STXBP6: variants seen among roughly 807,000 people sequenced by gnomAD.
The protein encoded by STXBP6 is syntaxin binding protein 6.
STXBP6 carries 21 observed loss-of-function variants against 26.9 expected under a neutral mutation model. That is an observed-to-expected ratio of 0.78 (90% confidence interval 0.55 to 1.12). STXBP6 has a LOEUF of 1.12. STXBP6 is among the 50% of genes most tolerant of loss of function. STXBP6 has a pLI of 0.00. For synonymous variants in STXBP6, 97 were observed against 92.6 expected (o/e 1.05, Z -0.27); for missense variants, 232 against 257.9 (o/e 0.90, Z 0.69).
chr14:24,913,364 T>C (rs1236266218), intron 2 of STXBP6, among the ~76,000 whole-genome samples: 1 of 152,180 alleles, frequency 6.6e-6, no homozygotes, highest in Admixed American at 6.5e-5. Context: ...CACAAAGAAA[T>C]GATAAATGTT....
intron 2 of STXBP6, among the ~76,000 whole-genome samples, chr14:24,936,675 CCCA>C (rs1197109845): frequency 6.6e-6 from 1 of 152,184 alleles, no homozygotes; most frequent in Admixed American, 6.5e-5. Flanking sequence ...AATTTACACT[CCCA>C]CCAACAGTGT....
chr14:24,874,810 AAAG>A (rs2070073878), intron 2 of STXBP6, among the ~76,000 whole-genome samples: 1 of 152,136 alleles, frequency 6.6e-6, no homozygotes, highest in African/African-American at 2.4e-5. Context: ...TGGCTCTTTC[AAAG>A]AATTACACAT....
intron 4 of STXBP6, among the ~76,000 whole-genome samples, chr14:24,821,379 C>A (rs1203573100): frequency 3.9e-5 from 6 of 152,220 alleles, no homozygotes; most frequent in Non-Finnish European, 1.5e-5. Context: ...ATAAGCCTTG[C>A]TGCTTTGTTG....
intron 2 of STXBP6, among the ~76,000 whole-genome samples, chr14:24,897,640 T>C (rs1271650621): frequency 1.3e-5 from 2 of 152,014 alleles, no homozygotes; most frequent in African/African-American, 2.4e-5. Context: ...TCAGAAAAAA[T>C]TTTGAATTCC....
intron 1 of STXBP6, among the ~76,000 whole-genome samples, chr14:25,037,234 C>T (rs2075570964): frequency 6.6e-6 from 1 of 152,118 alleles, no homozygotes; most frequent in Non-Finnish European, 1.5e-5. Context: ...TGACAGAGGC[C>T]CGGAGAGCTC....
intron 2 of STXBP6, among the ~76,000 whole-genome samples, chr14:24,923,344 G>A (rs756025414): frequency 2.6e-5 from 4 of 151,990 alleles, no homozygotes; most frequent in Non-Finnish European, 4.4e-5. Context: ...CTGCTGTATG[G>A]TATTCCATTT....
At chr14:24,940,333 T>C (rs1595153514) in intron 2 of STXBP6, among the ~76,000 whole-genome samples, 1 of 152,212 alleles carries the variant, frequency 6.6e-6, no homozygotes, top group African/African-American at 2.4e-5. Flanking sequence ...GATTGCTATA[T>C]GAGAGAGGGC....
chr14:24,890,973 T>C (rs1241622), intron 2 of STXBP6, among the ~76,000 whole-genome samples: 55,566 of 152,062 alleles, frequency 0.37, 10,379 homozygotes, highest in East Asian at 0.43. Context: ...TTTGTGCCAG[T>C]GCACTGCTGC....
chr14:24,915,095 T>C (rs1020972776), intron 2 of STXBP6, among the ~76,000 whole-genome samples: 1 of 152,138 alleles, frequency 6.6e-6, no homozygotes, highest in Non-Finnish European at 1.5e-5. Flanking sequence ...CTAACAAAAA[T>C]ACACAATTGC....
At chr14:24,832,908 T>C (rs1417736126) in intron 4 of STXBP6, among the ~76,000 whole-genome samples, 1 of 152,200 alleles carries the variant, frequency 6.6e-6, no homozygotes, top group Non-Finnish European at 1.5e-5. Flanking sequence ...TGATGCTAAA[T>C]ACTTTTCATT....
chr14:24,897,605 C>G (rs929882262), intron 2 of STXBP6, among the ~76,000 whole-genome samples: 2 of 152,004 alleles, frequency 1.3e-5, no homozygotes, highest in African/African-American at 2.4e-5. Context: ...AAATTTAGTT[C>G]AAGTACTATA....
chr14:24,884,689 C>T (rs929707658), intron 2 of STXBP6, among the ~76,000 whole-genome samples: 13 of 152,154 alleles, frequency 8.5e-5, no homozygotes, highest in Non-Finnish European at 1.6e-4. Flanking sequence ...AATCGATCTT[C>T]AATGCTAACT....
chr14:24,882,458 A>G (rs914255361), intron 2 of STXBP6, among the ~76,000 whole-genome samples: 1 of 147,784 alleles, frequency 6.8e-6, no homozygotes, highest in African/African-American at 2.5e-5. Context: ...CAACTTCCTT[A>G]ACCTTGAGAT....
intron 2 of STXBP6, among the ~76,000 whole-genome samples, chr14:24,945,139 ATTTTTT>A (rs552562019): frequency 7.9e-5 from 8 of 100,650 alleles, no homozygotes; most frequent in South Asian, 7.2e-4. Context: ...CCAATTAGGA[ATTTTTT>A]TTTTTTTTTT....
chr14:24,913,338 T>C (rs2071643653), intron 2 of STXBP6, among the ~76,000 whole-genome samples: 1 of 152,166 alleles, frequency 6.6e-6, no homozygotes, highest in Non-Finnish European at 1.5e-5. Flanking sequence ...AGAAGGAGGA[T>C]ACTGAATGTT....
Position 24,856,089 on chromosome 14 carries a change from ACT to A in STXBP6, c.296_297del (p.Glu99ValfsTer2), listed in dbSNP as rs773245770. 6 of 1,597,680 alleles carry A rather than the reference ACT, an allele frequency of 3.8e-6. No homozygotes were observed. Among genetic ancestry groups the A allele is most frequent in the Non-Finnish European group, 5.1e-6 (6 of 1,174,078 alleles). On this transcript the variant is annotated frameshift_variant, in exon 4 of 6. Transcript: ENST00000323944. LOFTEE classifies it high-confidence loss of function. ...NGIDPNGDSA[E>X]FDLLFENAFD... The stretch of plus-strand genomic sequence containing the variant: ...AAAGCATTTTCAAACAACAAATCAA[ACT>A]CTGCCGAATCCTGGAAAAGACAATG...
At chr14:25,008,481 C>A (rs1045753784) in intron 1 of STXBP6, among the ~76,000 whole-genome samples, 1 of 152,160 alleles carries the variant, frequency 6.6e-6, no homozygotes, top group African/African-American at 2.4e-5. Flanking sequence ...GAGACCTTGT[C>A]TCAAACAAAA....
Position 24,924,851 on chromosome 14 carries a change from T to C in STXBP6, c.154+49814A>G, listed in dbSNP as rs1270625109. Among the ~76,000 whole-genome samples, 3 of 152,268 alleles carry C rather than the reference T, an allele frequency of 2.0e-5. No homozygotes were observed. In the East Asian group the frequency reaches 5.8e-4, roughly 29 times the overall value. ...CTCACTTACAGGAAAGGACAATTAT[T>C]CTGCAAAGATAAGTTCAGGAAATTA... On this transcript the variant is annotated intron_variant, in intron 2 of 5. Coordinates refer to ENST00000323944, the MANE Select transcript of STXBP6 (RefSeq NM_001394410.1).
At chr14:25,038,331 T>C (rs1348592391) in intron 1 of STXBP6, among the ~76,000 whole-genome samples, 1 of 152,242 alleles carries the variant, frequency 6.6e-6, no homozygotes, top group Non-Finnish European at 1.5e-5. Context: ...AAGCTGAACA[T>C]ATTCACATCT....
Sources: gnomAD v4.1 joint callset for allele counts (sites outside exome capture counted in the v4.1 genomes callset) on GRCh38, gnomAD v4.1.1 for gene constraint, MANE v1.5 for transcripts, NCBI Gene and HGNC (gene_info 2026-07-23, HGNC 2026-07-21) for gene names.